EPHA7: variants seen among roughly 807,000 people sequenced by gnomAD.
EPHA7 encodes the protein EPH receptor A7, also known as ephrin type-A receptor 7.
EPHA7 carries 25 observed loss-of-function variants against 112.6 expected under a neutral mutation model. The observed-to-expected ratio is 0.22, with a 90% CI of 0.16 to 0.31. EPHA7 has a LOEUF of 0.31. Among genes scored for constraint, EPHA7 ranks in the 10% least tolerant of loss-of-function variants. The pLI, the probability that EPHA7 is intolerant of heterozygous loss-of-function variation, is 1.00. For missense variants in EPHA7, 962 were observed against 1,212.6 expected (o/e 0.79, Z 3.07); for synonymous variants, 437 against 406.5 (o/e 1.07, Z -0.90).
At chr6:93,338,467 C>A (rs893328862) in intron 5 of EPHA7, among the ~76,000 whole-genome samples, 2 of 151,962 alleles carry the variant, frequency 1.3e-5, no homozygotes, top group African/African-American at 2.4e-5. Flanking sequence ...ACCTCTGAAC[C>A]ATTGAAATTC....
chr6:93,256,777 A>C (rs1246652004), intron 12 of EPHA7, among the ~76,000 whole-genome samples: 1 of 152,090 alleles, frequency 6.6e-6, no homozygotes, highest in East Asian at 1.9e-4. Context: ...GCAGCAATAA[A>C]AGTTTCTCTA....
intron 5 of EPHA7, among the ~76,000 whole-genome samples, chr6:93,294,533 AT>A (rs34342760): frequency 1.2e-4 from 19 of 152,068 alleles, no homozygotes; most frequent in African/African-American, 4.1e-4. Context: ...TCCTTAACAC[AT>A]TTTTTTAAGA....
chr6:93,288,949 G>C (rs1394863561), intron 5 of EPHA7, among the ~76,000 whole-genome samples: 1 of 152,102 alleles, frequency 6.6e-6, no homozygotes, highest in African/African-American at 2.4e-5. Flanking sequence ...AAAGTGATGG[G>C]GAGGCCACAT....
At chr6:93,405,807 GTGTGTGTATATATATATATATA>G (rs1394228219) in intron 3 of EPHA7, among the ~76,000 whole-genome samples, 48 of 70,512 alleles carry the variant, frequency 6.8e-4, no homozygotes, top group African/African-American at 2.5e-3. Context: ...GTGTGTGTGT[GTGTGTGTATATATATATATATA>G]TATATATATA....
chr6:93,378,587 A>C (rs1777175768), intron 3 of EPHA7, among the ~76,000 whole-genome samples: 1 of 152,134 alleles, frequency 6.6e-6, no homozygotes, highest in Non-Finnish European at 1.5e-5. Context: ...TACATCAAGC[A>C]GATTCCATTT....
intron 3 of EPHA7, among the ~76,000 whole-genome samples, chr6:93,372,168 A>T (rs1776832028): frequency 6.6e-6 from 1 of 152,174 alleles, no homozygotes; most frequent in African/African-American, 2.4e-5. Context: ...GCATTGTATA[A>T]GAACTTATTA....
At chr6:93,244,641 A>G (rs1040723364) in intron 16 of EPHA7, among the ~76,000 whole-genome samples, 3 of 152,088 alleles carry the variant, frequency 2.0e-5, no homozygotes, top group Non-Finnish European at 4.4e-5. Flanking sequence ...AAGTTCATAG[A>G]AATTTCAAAA....
chr6:93,417,450 C>T (rs1582704719), intron 1 of EPHA7, among the ~76,000 whole-genome samples: 1 of 152,212 alleles, frequency 6.6e-6, no homozygotes, highest in African/African-American at 2.4e-5. Context: ...GCCTTTTATA[C>T]ATCACACTTC....
intron 5 of EPHA7, among the ~76,000 whole-genome samples, chr6:93,300,899 A>C (rs1347458167): frequency 6.6e-6 from 1 of 152,180 alleles, no homozygotes; most frequent in Non-Finnish European, 1.5e-5. Context: ...CCTACTACAC[A>C]CCTAGGCTAT....
intron 5 of EPHA7, among the ~76,000 whole-genome samples, chr6:93,292,631 C>T (rs1253036314): frequency 6.6e-6 from 1 of 152,102 alleles, no homozygotes. Flanking sequence ...AAATTCCCAA[C>T]TGTTTTTACA....
At position 93,245,164 on chromosome 6, in the gene EPHA7, C is replaced by A. The variant is rs1200803452; in HGVS notation, c.2882+134G>T. The A allele has an allele frequency of 4.7e-5, 38 of 816,408 alleles. No individual in the cohort carries two copies. In the South Asian group the frequency reaches 6.7e-4, roughly 14 times the overall value. 50.6% of individuals were successfully genotyped at this position (816,408 alleles called of 1,614,324 possible). On this transcript the variant is annotated intron_variant, in intron 16 of 16. Transcript: ENST00000369303. ...TATAATGCCTGGTACGCAGTAAGAA[C>A]TTGTTAAAGAAGTATTTTTTTTATC...
intron 5 of EPHA7, among the ~76,000 whole-genome samples, chr6:93,279,907 C>T (rs1047398098): frequency 6.6e-6 from 1 of 152,108 alleles, no homozygotes; most frequent in African/African-American, 2.4e-5. Flanking sequence ...TAAAAGTACG[C>T]TAGCATTAGT....
At chr6:93,308,364 T>C (rs2127860168) in intron 5 of EPHA7, among the ~76,000 whole-genome samples, 1 of 152,254 alleles carries the variant, frequency 6.6e-6, no homozygotes, top group Middle Eastern at 3.4e-3. Context: ...TATTATTTTT[T>C]GCTGTTACAA....
chr6:93,395,575 TCACACACACACA>T (rs4053540), intron 3 of EPHA7, among the ~76,000 whole-genome samples: 5 of 145,528 alleles, frequency 3.4e-5, no homozygotes, highest in South Asian at 4.5e-4. Flanking sequence ...TTTACTTATT[TCACACACACACA>T]CACACACACA....
chr6:93,331,464 T>C (rs1423218835), intron 5 of EPHA7, among the ~76,000 whole-genome samples: 2 of 146,714 alleles, frequency 1.4e-5, no homozygotes. Flanking sequence ...AAAAAAAAAA[T>C]TCAGAGCTTT....
intron 5 of EPHA7, among the ~76,000 whole-genome samples, chr6:93,278,696 C>T (rs1478704780): frequency 6.6e-6 from 1 of 151,474 alleles, no homozygotes; most frequent in African/African-American, 2.4e-5. Context: ...GTAAATACTG[C>T]TTTTCTTGCT....
At chr6:93,283,487 A>G (rs1771881549) in intron 5 of EPHA7, among the ~76,000 whole-genome samples, 1 of 152,050 alleles carries the variant, frequency 6.6e-6, no homozygotes, top group African/African-American at 2.4e-5. Flanking sequence ...TTGGGTCCAC[A>G]TTGCCTTTAT....
Position 93,402,188 on chromosome 6 carries a change from T to C in EPHA7, c.832+8313A>G, listed in dbSNP as rs114682559. 4.4e-3 allele frequency among the ~76,000 whole-genome samples: 672 copies of C among 152,096 alleles called. 8 individuals carry two copies. The highest frequency in any genetic ancestry group is 0.014 in the African/African-American group (601 of 41,548). Reference sequence around the variant, plus strand: ...TATTTCCTTCCGTATTTCCTTATGTTCTCCCCCCTTTCATCAGTTCTTTCT... The same window carrying C: ...TATTTCCTTCCGTATTTCCTTATGTCCTCCCCCCTTTCATCAGTTCTTTCT... On this transcript the variant is annotated intron_variant, in intron 3 of 16. Transcript: ENST00000369303.
chr6:93,357,989 A>T (rs1489662472), intron 4 of EPHA7, among the ~76,000 whole-genome samples: 1 of 152,114 alleles, frequency 6.6e-6, no homozygotes, highest in Non-Finnish European at 1.5e-5. Flanking sequence ...TTTACTTATG[A>T]TTCTTATGAG....
Sources: gnomAD v4.1 joint callset for allele counts (sites outside exome capture counted in the v4.1 genomes callset) on GRCh38, gnomAD v4.1.1 for gene constraint, MANE v1.5 for transcripts, NCBI Gene and HGNC (gene_info 2026-07-23, HGNC 2026-07-21) for gene names.